Variants in STXBP6 observed in about 807,000 individuals in gnomAD.
STXBP6 encodes the protein syntaxin-binding protein 6.
A neutral mutation model predicts 26.9 loss-of-function variants in STXBP6; 21 were observed. The observed-to-expected ratio is 0.78, with a 90% CI of 0.55 to 1.12. The LOEUF (loss-of-function observed/expected upper bound fraction) is 1.12, where lower values mean the gene tolerates loss of function less well. STXBP6 is among the 50% of genes most tolerant of loss of function. STXBP6 has a pLI of 0.00. For synonymous variants in STXBP6, 97 were observed against 92.6 expected, an observed-to-expected ratio of 1.05 and a Z score of -0.27; for missense variants, 232 against 257.9, an observed-to-expected ratio of 0.90 and a Z score of 0.69.
chr14:25,048,308 G>T (rs749615450), intron 1 of STXBP6, among the ~76,000 whole-genome samples: 6 of 152,202 alleles, frequency 3.9e-5, no homozygotes, highest in Admixed American at 6.5e-5. Context: ...TGCAATGGAG[G>T]GAGGTAAGGC....
At chr14:24,959,828 T>G (rs1382503708) in intron 2 of STXBP6, among the ~76,000 whole-genome samples, 1 of 152,206 alleles carries the variant, frequency 6.6e-6, no homozygotes, top group Non-Finnish European at 1.5e-5. Context: ...TCCATAAATG[T>G]CAGGTCCAGA....
intron 2 of STXBP6, among the ~76,000 whole-genome samples, chr14:24,892,098 A>T (rs2070809395): frequency 6.6e-6 from 1 of 152,244 alleles, no homozygotes; most frequent in African/African-American, 2.4e-5. Flanking sequence ...CCCCCAACAC[A>T]TGTACACATT....
intron 1 of STXBP6, among the ~76,000 whole-genome samples, chr14:24,990,278 C>T (rs555701785): frequency 1.3e-5 from 2 of 152,112 alleles, no homozygotes; most frequent in African/African-American, 2.4e-5. Flanking sequence ...GGGTATGCTT[C>T]CCTGTTCCAA....
intron 2 of STXBP6, among the ~76,000 whole-genome samples, chr14:24,911,391 GAGAAAGGAA>G (rs2071569088): frequency 1.3e-5 from 2 of 148,560 alleles, no homozygotes; most frequent in African/African-American, 2.5e-5. Flanking sequence ...GAGAGAGAGA[GAGAAAGGAA>G]AGAAAGGAAA....
chr14:24,954,102 G>C (rs2073261987), intron 2 of STXBP6, among the ~76,000 whole-genome samples: 1 of 152,138 alleles, frequency 6.6e-6, no homozygotes, highest in Non-Finnish European at 1.5e-5. Context: ...AATCATCTCT[G>C]GCCTGTGCAT....
At chr14:24,836,130 A>T (rs1417286275) in intron 4 of STXBP6, among the ~76,000 whole-genome samples, 2 of 152,228 alleles carry the variant, frequency 1.3e-5, no homozygotes, top group Non-Finnish European at 2.9e-5. Context: ...AATCATACTC[A>T]CACTTTGGTA....
intron 2 of STXBP6, among the ~76,000 whole-genome samples, chr14:24,885,577 G>A (rs571674946): frequency 2.0e-5 from 3 of 152,340 alleles, no homozygotes; most frequent in South Asian, 4.1e-4. Flanking sequence ...CTCAGGCACA[G>A]CTCTGGTTCT....
chr14:24,917,688 G>C (rs1288842922), intron 2 of STXBP6, among the ~76,000 whole-genome samples: 2 of 151,846 alleles, frequency 1.3e-5, no homozygotes, highest in African/African-American at 4.8e-5. Context: ...TTATTACCTT[G>C]CATTAGACAA....
intron 1 of STXBP6, among the ~76,000 whole-genome samples, chr14:25,047,647 C>G (rs2075747051): frequency 6.6e-6 from 1 of 152,150 alleles, no homozygotes; most frequent in Non-Finnish European, 1.5e-5. Context: ...AACAAGCCCT[C>G]CAGATGATTC....
chr14:25,033,903 A>C (rs1265623514), intron 1 of STXBP6, among the ~76,000 whole-genome samples: 1 of 152,200 alleles, frequency 6.6e-6, no homozygotes, highest in Admixed American at 6.5e-5. Context: ...TTAACACAAA[A>C]CAAAATGAAA....
intron 1 of STXBP6, among the ~76,000 whole-genome samples, chr14:25,048,122 G>A (rs933370572): frequency 6.6e-6 from 1 of 152,182 alleles, no homozygotes; most frequent in Admixed American, 6.5e-5. Context: ...TAAACCACTT[G>A]GTGAGGAGTG....
rs148521846 is a variant in STXBP6 at position 24,873,258 on chromosome 14, T to C, written c.155-16101A>G. On this transcript the variant is annotated intron_variant, in intron 2 of 5. Transcript: ENST00000323944. ...CTATTCTAGGCAAAATAGAATATAG[T>C]CCCTTCTTCTCAACGGTTTTCAGGT... is the stretch of plus-strand genomic sequence containing the variant. 3.9e-3 allele frequency among the ~76,000 whole-genome samples: 591 copies of C among 152,054 alleles called. 4 individuals carry two copies. The highest frequency in any genetic ancestry group is 0.013 in the African/African-American group (549 of 41,484).
intron 2 of STXBP6, among the ~76,000 whole-genome samples, chr14:24,919,525 G>A (rs985664588): frequency 3.4e-5 from 5 of 147,868 alleles, no homozygotes; most frequent in East Asian, 2.0e-4. Context: ...GATTCAATAC[G>A]CACTTTTTTT....
At chr14:25,034,913 G>A (rs1015064050) in intron 1 of STXBP6, among the ~76,000 whole-genome samples, 5 of 152,208 alleles carry the variant, frequency 3.3e-5, no homozygotes, top group Admixed American at 6.5e-5. Context: ...CACTTTGGGA[G>A]GCCAAGGGGG....
At chr14:24,814,627 T>TA (rs1471531292) in intron 5 of STXBP6, among the ~76,000 whole-genome samples, 2 of 152,244 alleles carry the variant, frequency 1.3e-5, no homozygotes, top group Non-Finnish European at 2.9e-5. Flanking sequence ...AGAAATACAG[T>TA]TAAGACTGGA....
intron 2 of STXBP6, among the ~76,000 whole-genome samples, chr14:24,945,344 T>C (rs75795959): frequency 0.094 from 14,249 of 151,554 alleles, 886 homozygotes; most frequent in East Asian, 0.26. Context: ...TTTGGGAGGA[T>C]TGCTTGAGGC....
chr14:24,996,948 A>G (rs1208930033), intron 1 of STXBP6, among the ~76,000 whole-genome samples: 2 of 152,074 alleles, frequency 1.3e-5, no homozygotes, highest in African/African-American at 4.8e-5. Context: ...GAGCATACAA[A>G]GACACAAGAA....
At chr14:24,862,275 G>A (rs1025625432) in intron 2 of STXBP6, among the ~76,000 whole-genome samples, 2 of 152,162 alleles carry the variant, frequency 1.3e-5, no homozygotes, top group African/African-American at 4.8e-5. Flanking sequence ...TAGGATTACA[G>A]GTGTGAGCCA....
At chr14:25,028,953 G>GC (rs2075399742) in intron 1 of STXBP6, among the ~76,000 whole-genome samples, 1 of 152,182 alleles carries the variant, frequency 6.6e-6, no homozygotes, top group Non-Finnish European at 1.5e-5. Context: ...CTGAAGTTTA[G>GC]CCTGAAGATG....
Sources: allele counts gnomAD v4.1 joint callset (sites outside exome capture counted in the v4.1 genomes callset), GRCh38; gene constraint gnomAD v4.1.1; transcripts MANE v1.5; gene names NCBI Gene and HGNC (gene_info 2026-07-23, HGNC 2026-07-21).